The following DSCAML1 variants were observed in gnomAD, a reference collection of about 807,000 sequenced individuals.
The protein encoded by DSCAML1 is DS cell adhesion molecule like 1, also known as cell adhesion molecule DSCAML1.
DSCAML1 carries 38 observed loss-of-function variants against 200.5 expected under a neutral mutation model. The ratio of observed to expected loss-of-function variants is 0.19; its 90% CI spans 0.15 to 0.25. The LOEUF is 0.25. Among genes scored for constraint, DSCAML1 ranks in the 10% least tolerant of loss-of-function variants. The pLI, the probability that DSCAML1 is intolerant of heterozygous loss-of-function variation, is 1.00. For missense variants in DSCAML1, 2,223 were observed against 2,858.8 expected (o/e 0.78, Z 5.07); for synonymous variants, 1,215 against 1,165.0 (o/e 1.04, Z -0.87).
chr11:117,715,771 A>C (rs892889326), intron 3 of DSCAML1, among the ~76,000 whole-genome samples: 1 of 152,142 alleles, frequency 6.6e-6, no homozygotes, highest in Non-Finnish European at 1.5e-5. Context: ...GGCAGGAGTC[A>C]CAGTTCTGGC....
intron 3 of DSCAML1, among the ~76,000 whole-genome samples, chr11:117,714,818 A>G (rs562090454): frequency 1.4e-5 from 1 of 71,588 alleles, no homozygotes; most frequent in Non-Finnish European, 2.7e-5. Context: ...GTGAAACTTC[A>G]TCTTGAGGAA....
At chr11:117,438,194 G>A (rs1809514175) in intron 24 of DSCAML1, 111 bp from the exon 25 acceptor site, 1 of 1,098,440 alleles carries the variant, frequency 9.1e-7, no homozygotes, top group South Asian at 1.6e-5. Flanking sequence ...GCAGAGTCAG[G>A]CTTTTGGTCA....
chr11:117,796,923 C>T (rs2055589682), intron 1 of DSCAML1, 111 bp downstream of exon 1: 1 of 771,606 alleles, frequency 1.3e-6, no homozygotes, highest in African/African-American at 1.9e-5. Context: ...GGCCTTGCAC[C>T]CCGGTCGGTT....
intron 4 of DSCAML1, among the ~76,000 whole-genome samples, chr11:117,531,965 AGG>A (rs547242105): frequency 0.057 from 6,925 of 120,816 alleles, 368 homozygotes; most frequent in East Asian, 0.14. Flanking sequence ...GGAGGGAGGG[AGG>A]GACGAAATAA....
intron 20 of DSCAML1, among the ~76,000 whole-genome samples, chr11:117,449,356 C>T (rs935473149): frequency 2.0e-5 from 3 of 151,996 alleles, no homozygotes; most frequent in African/African-American, 7.3e-5. Flanking sequence ...AGGTAGTGGC[C>T]GTGAGGATGG....
rs73587459 is a variant in DSCAML1 at position 117,776,992 on chromosome 11, G to A, written c.365-55C>T. On this transcript the variant is annotated intron_variant, in intron 2 of 32. Coordinates refer to ENST00000651296, the MANE Select transcript of DSCAML1 (RefSeq NM_020693.4). The stretch of plus-strand genomic sequence containing the variant: ...AGAGTGTCACAAGGATGTGGTGAGG[G>A]TCCCCAGAAAGGAACAGGGAGTCAG... 1,922 of 1,595,024 alleles carry A rather than the reference G, an allele frequency of 1.2e-3. 24 individuals are homozygous for A. The African/African-American group carries it at 0.024, about 20-fold the overall frequency.
chr11:117,479,244 G>A (rs2048859458), intron 14 of DSCAML1, among the ~76,000 whole-genome samples: 1 of 152,228 alleles, frequency 6.6e-6, no homozygotes, highest in South Asian at 2.1e-4. Flanking sequence ...AGCTTCAGGA[G>A]AAAACGAAAC....
At chr11:117,678,726 G>A (rs771903060) in intron 3 of DSCAML1, among the ~76,000 whole-genome samples, 3 of 144,646 alleles carry the variant, frequency 2.1e-5, no homozygotes, top group Non-Finnish European at 4.6e-5. Flanking sequence ...ACAGGTTGGC[G>A]TCTTTCAGGA....
chr11:117,470,960 T>C (rs1188510275), intron 15 of DSCAML1, among the ~76,000 whole-genome samples: 1 of 152,176 alleles, frequency 6.6e-6, no homozygotes, highest in Non-Finnish European at 1.5e-5. Flanking sequence ...TTATTGCATA[T>C]ACACTGTGGT....
intron 3 of DSCAML1, among the ~76,000 whole-genome samples, chr11:117,688,385 C>G (rs560057604): frequency 2.2e-4 from 34 of 152,298 alleles, no homozygotes; most frequent in South Asian, 2.1e-3. Flanking sequence ...CCTGCTATTT[C>G]CTGACAATGG....
intron 17 of DSCAML1, among the ~76,000 whole-genome samples, chr11:117,462,627 T>C (rs1400785422): frequency 6.6e-6 from 1 of 152,246 alleles, no homozygotes; most frequent in African/African-American, 2.4e-5. Flanking sequence ...GAATGATTAT[T>C]GTTTCATATT....
intron 3 of DSCAML1, among the ~76,000 whole-genome samples, chr11:117,550,709 C>T (rs749899818): frequency 1.3e-5 from 2 of 152,228 alleles, no homozygotes; most frequent in East Asian, 1.9e-4. Flanking sequence ...CTCCCCAGCA[C>T]ACTTGGAATT....
chr11:117,497,850 C>T (rs1357678756), intron 11 of DSCAML1, among the ~76,000 whole-genome samples: 1 of 152,234 alleles, frequency 6.6e-6, no homozygotes, highest in African/African-American at 2.4e-5. Context: ...CAGCGTAACT[C>T]AGCACCCAGG....
intron 16 of DSCAML1, among the ~76,000 whole-genome samples, chr11:117,468,031 T>C (rs115198322): frequency 0.018 from 2,710 of 152,262 alleles, 76 homozygotes; most frequent in African/African-American, 0.061. Context: ...TCCATCCAGA[T>C]AGATTCACAT....
intron 3 of DSCAML1, among the ~76,000 whole-genome samples, chr11:117,541,653 C>T (rs1238096558): frequency 6.6e-6 from 1 of 152,196 alleles, no homozygotes; most frequent in African/African-American, 2.4e-5. Flanking sequence ...TGGTTTGGAG[C>T]TAACAGAAGA....
At chr11:117,450,837 A>G in intron 19 of DSCAML1, 149 bp from the exon 20 acceptor site, 1 of 872,304 alleles carries the variant, frequency 1.1e-6, no homozygotes, top group East Asian at 2.8e-5. Context: ...GGGAGGGTCC[A>G]TCCAGCATGG....
chr11:117,546,109 G>A (rs1449033022), intron 3 of DSCAML1, among the ~76,000 whole-genome samples: 1 of 152,242 alleles, frequency 6.6e-6, no homozygotes, highest in African/African-American at 2.4e-5. Context: ...TTTCTGCACT[G>A]TAAAGGGGAA....
intron 3 of DSCAML1, among the ~76,000 whole-genome samples, chr11:117,542,995 T>G (rs752688873): frequency 1.2e-4 from 18 of 152,378 alleles, no homozygotes; most frequent in African/African-American, 3.6e-4. Flanking sequence ...GGGCAGAGGT[T>G]GGTCCCCTGG....
chr11:117,801,443 GCA>G (rs2055657239), upstream of DSCAML1: 1 of 152,222 alleles, frequency 6.6e-6, no homozygotes, highest in South Asian at 2.1e-4. Context: ...AAGCTTTTAT[GCA>G]CAGATATTCA....
Sources: gnomAD v4.1 joint callset for allele counts (sites outside exome capture counted in the v4.1 genomes callset) on GRCh38, gnomAD v4.1.1 for gene constraint, MANE v1.5 for transcripts, NCBI Gene and HGNC (gene_info 2026-07-23, HGNC 2026-07-21) for gene names.